Variants in SLC22A23 observed in about 807,000 individuals in gnomAD.
SLC22A23 encodes the protein solute carrier family 22 member 23.
A neutral mutation model predicts 61.0 loss-of-function variants in SLC22A23; 26 were observed. The ratio of observed to expected loss-of-function variants is 0.43; its 90% CI spans 0.31 to 0.59. The LOEUF is 0.59. Ranked by LOEUF, SLC22A23 falls within the 20% of genes least tolerant of loss-of-function variation. The pLI is 0.11. For missense variants in SLC22A23, 796 were observed against 934.7 expected, an observed-to-expected ratio of 0.85 and a Z score of 1.94; for synonymous variants, 430 against 413.9, an observed-to-expected ratio of 1.04 and a Z score of -0.47.
rs1445407990 is a variant in SLC22A23, at chr6:3,360,307, AAAC to A, written c.914-36308_914-36306del. On this transcript the variant is annotated intron_variant, in intron 3 of 9. Transcript: ENST00000406686. This position sits in a 1 kb window ranked among gnomAD's most constrained non-coding sequence, Gnocchi z 4.6. Reference sequence around the variant, plus strand: ...TAAAACAAACACCCCCCTCCAAATAAAACAACAACAAAAAAGGCAAGTCCGTAG... The same window carrying A: ...TAAAACAAACACCCCCCTCCAAATAAAACAACAAAAAAGGCAAGTCCGTAG... Among the ~76,000 whole-genome samples the A allele has an allele frequency of 6.6e-6, 1 of 152,212 alleles. No individual in the cohort carries two copies. The highest frequency in any genetic ancestry group is 1.5e-5 in the Non-Finnish European group (1 of 68,028).
intron 6 of SLC22A23, among the ~76,000 whole-genome samples, chr6:3,288,631 C>T (rs545367074): frequency 3.3e-5 from 5 of 152,358 alleles, no homozygotes; most frequent in South Asian, 2.1e-4. Flanking sequence ...CTCCACAAAA[C>T]GAATCATTAA....
At chr6:3,431,841 G>A (rs1003860080) in intron 1 of SLC22A23, among the ~76,000 whole-genome samples, 1 of 152,138 alleles carries the variant, frequency 6.6e-6, no homozygotes, top group Non-Finnish European at 1.5e-5. Context: ...GGCTGACCTC[G>A]GTCATTTCCT....
intron 1 of SLC22A23, among the ~76,000 whole-genome samples, chr6:3,446,243 G>A (rs1360817269): frequency 6.6e-6 from 1 of 152,178 alleles, no homozygotes; most frequent in Non-Finnish European, 1.5e-5. Context: ...GCCACTCTGG[G>A]GCAGAGGATA....
At chr6:3,428,984 G>A (rs909651756) in intron 1 of SLC22A23, among the ~76,000 whole-genome samples, 2 of 108,900 alleles carry the variant, frequency 1.8e-5, no homozygotes, top group African/African-American at 2.8e-5. Flanking sequence ...CTCTTCAAAC[G>A]TATTTGGCTT....
intron 5 of SLC22A23, among the ~76,000 whole-genome samples, chr6:3,294,099 T>C (rs1003675923): frequency 2.0e-5 from 3 of 152,168 alleles, no homozygotes; most frequent in East Asian, 1.9e-4. Context: ...AGAGGTATCA[T>C]GGAGTTACTG....
At chr6:3,430,645 G>C (rs923726520) in intron 1 of SLC22A23, among the ~76,000 whole-genome samples, 1 of 152,192 alleles carries the variant, frequency 6.6e-6, no homozygotes. Flanking sequence ...CTATGCTGAG[G>C]GGTAAAGAGT....
intron 5 of SLC22A23, among the ~76,000 whole-genome samples, chr6:3,294,516 T>C (rs9405624): frequency 0.29 from 43,854 of 152,152 alleles, 9,228 homozygotes; most frequent in African/African-American, 0.58. Flanking sequence ...CCGAGCATTC[T>C]GGATAAGGGA....
At chr6:3,423,023 C>G (rs1376402449) in intron 1 of SLC22A23, among the ~76,000 whole-genome samples, 2 of 151,588 alleles carry the variant, frequency 1.3e-5, no homozygotes, top group Non-Finnish European at 2.9e-5. Flanking sequence ...CATTCGAACC[C>G]TTAAGCAACA....
In SLC22A23 at chr6:3,387,665, T is replaced by TCTGTA; in HGVS notation, c.913+22518_913+22522dup. On this transcript the variant is annotated intron_variant, in intron 3 of 9. Coordinates refer to ENST00000406686, the MANE Select transcript of SLC22A23 (RefSeq NM_015482.2). The surrounding 1 kb of genome is among the most constrained non-coding windows in gnomAD (Gnocchi z 5.0). ...GTGAGTGAAGGGCTTACAGAAAATCTCTGTACTGCCTTTGCCATTCCTCTG... is the reference window on the plus strand; with the variant it reads ...GTGAGTGAAGGGCTTACAGAAAATCTCTGTACTGTACTGCCTTTGCCATTCCTCTG... 6.6e-6 allele frequency among the ~76,000 whole-genome samples: 1 copy of TCTGTA among 152,378 alleles called. No individual in the cohort carries two copies. Among genetic ancestry groups the TCTGTA allele is most frequent in the East Asian group, 1.9e-4 (1 of 5,188 alleles).
intron 3 of SLC22A23, among the ~76,000 whole-genome samples, chr6:3,393,190 G>A (rs1360312693): frequency 1.3e-5 from 2 of 152,178 alleles, no homozygotes; most frequent in Non-Finnish European, 2.9e-5. Context: ...TGAGCAGCGG[G>A]GGTGACGAAA....
chr6:3,331,956 G>C (rs1763602864), intron 3 of SLC22A23, among the ~76,000 whole-genome samples: 1 of 152,206 alleles, frequency 6.6e-6, no homozygotes, highest in African/African-American at 2.4e-5. Flanking sequence ...CCAACAACCA[G>C]TTCCAAAGTG....
At chr6:3,366,517 C>T (rs1765848266) in intron 3 of SLC22A23, among the ~76,000 whole-genome samples, 1 of 151,902 alleles carries the variant, frequency 6.6e-6, no homozygotes, top group South Asian at 2.1e-4. Context: ...CAAGCTCAGT[C>T]CCTAGCACAG....
chr6:3,352,294 CAT>C (rs1341148064), intron 3 of SLC22A23, among the ~76,000 whole-genome samples: 3 of 151,626 alleles, frequency 2.0e-5, no homozygotes, highest in Non-Finnish European at 4.4e-5. Context: ...CACACACAGC[CAT>C]AGACACTTAC....
chr6:3,438,468 C>T (rs528898469), intron 1 of SLC22A23: 9 of 455,546 alleles, frequency 2.0e-5, no homozygotes, highest in African/African-American at 1.2e-4. Flanking sequence ...ACTCAGCAAA[C>T]GTAAACAGTG....
intron 3 of SLC22A23, among the ~76,000 whole-genome samples, chr6:3,401,550 A>G (rs182252487): frequency 5.9e-5 from 9 of 152,334 alleles, no homozygotes; most frequent in African/African-American, 2.2e-4. Flanking sequence ...CATGGAATTA[A>G]AGTTGCTTTG....
In SLC22A23 at chr6:3,309,225, C is replaced by T. The variant is rs553260710; in HGVS notation, c.1083-11007G>A. Among the ~76,000 whole-genome samples, 61 of 151,572 alleles carry T rather than the reference C, an allele frequency of 4.0e-4. No homozygotes were observed. The highest frequency in any genetic ancestry group is 1.1e-3 in the African/African-American group (45 of 41,276). On this transcript the variant is annotated intron_variant, in intron 4 of 9. Coordinates refer to ENST00000406686, the MANE Select transcript of SLC22A23 (RefSeq NM_015482.2). The surrounding 1 kb of genome is among the most constrained non-coding windows in gnomAD (Gnocchi z 4.7). ...CTGAGACAGGAGAATCGCTTGAACC[C>T]GGGAGGTTTGCAGTGGACCAAGGTC... is the stretch of plus-strand genomic sequence containing the variant.
intron 1 of SLC22A23, among the ~76,000 whole-genome samples, chr6:3,448,315 G>A (rs935628812): frequency 3.9e-5 from 6 of 152,132 alleles, no homozygotes; most frequent in African/African-American, 1.4e-4. Context: ...AATTCCTATG[G>A]TGTAAATGCT....
At chr6:3,395,949 T>C (rs560055562) in intron 3 of SLC22A23, among the ~76,000 whole-genome samples, 1 of 152,252 alleles carries the variant, frequency 6.6e-6, no homozygotes, top group African/African-American at 2.4e-5. Context: ...ATTTGGAAGT[T>C]ACGAGAACTC....
rs1581682113 is a variant in SLC22A23 at position 3,318,025 on chromosome 6, A to G, written c.1082+5809T>C. Among the ~76,000 whole-genome samples the G allele has an allele frequency of 6.6e-6, 1 of 152,006 alleles. No homozygotes were observed. The highest frequency in any genetic ancestry group is 2.4e-5 in the African/African-American group (1 of 41,366). On this transcript the variant is annotated intron_variant, in intron 4 of 9. Transcript: ENST00000406686. The surrounding 1 kb of genome is among the most constrained non-coding windows in gnomAD (Gnocchi z 4.3). Reference sequence around the variant, plus strand: ...TCATGTGTCCCATCTTCCTTGCATCACCAGAGACTCCTGTGCTCACTGCAC... The same window carrying G: ...TCATGTGTCCCATCTTCCTTGCATCGCCAGAGACTCCTGTGCTCACTGCAC...
Sources: gnomAD v4.1 joint callset for allele counts (sites outside exome capture counted in the v4.1 genomes callset) on GRCh38, gnomAD v4.1.1 for gene constraint, Gnocchi (gnomAD v3.1) non-coding constraint, MANE v1.5 for transcripts, NCBI Gene and HGNC (gene_info 2026-07-23, HGNC 2026-07-21) for gene names.